FMO5: variants seen among roughly 807,000 people sequenced by gnomAD.
FMO5 encodes the protein flavin containing dimethylaniline monoxygenase 5.
Under a neutral mutation model 43.6 loss-of-function variants are expected in FMO5, and 51 were observed. That is an observed-to-expected ratio of 1.17 (90% CI 0.93 to 1.48). The LOEUF (loss-of-function observed/expected upper bound fraction) is 1.48, where lower values mean the gene tolerates loss of function less well. Among genes scored for constraint, FMO5 ranks in the 40% most tolerant of loss-of-function variants. The probability of loss-of-function intolerance (pLI) is 0.00; values close to 1 mark genes in which losing one functional copy is unlikely to be tolerated. For missense variants in FMO5, 644 were observed against 643.0 expected (o/e 1.00, Z -0.02); for synonymous variants, 187 against 216.5 (o/e 0.86, Z 1.20).
At chr1:147,204,589 G>A in intron 6 of FMO5, 1 of 1,591,798 alleles carries the variant, frequency 6.3e-7, no homozygotes, top group Non-Finnish European at 8.6e-7. Flanking sequence ...AAGTTCTTCA[G>A]CTAATTCCAG....
rs1553920958 is a variant in FMO5, at chr1:147,201,423, C to T, written c.912G>A (p.Val304=). 1.2e-6 allele frequency: 2 copies of T among 1,614,056 alleles called. No individual in the cohort carries two copies. Among genetic ancestry groups the T allele is most frequent in the African/African-American group, 2.7e-5 (2 of 74,926 alleles). Residue 304 remains valine (V), a synonymous_variant, in exon 7 of 9, where the codon GTG becomes GTA. Coordinates refer to ENST00000254090, the MANE Select transcript of FMO5 (RefSeq NM_001461.4). ...TGGCAGCTGTCTCCGTGAATTCCTT[C>T]ACATTTCCTTTCACTTTCACCAAGC... is the stretch of plus-strand genomic sequence containing the variant. ...ISGLVKVKGN[V]KEFTETAAIF...
chr1:147,209,955 A>C (rs1490153692), intron 5 of FMO5: 1 of 152,188 alleles, frequency 6.6e-6, no homozygotes, highest in Non-Finnish European at 1.5e-5. Context: ...CTGTCTCTTC[A>C]AATGTGTTTT....
upstream of FMO5, among the ~76,000 whole-genome samples, chr1:147,226,106 A>AT (rs1559686866): frequency 3.4e-3 from 17 of 4,952 alleles, no homozygotes; most frequent in Admixed American, 0.031. Context: ...AATTTATCTT[A>AT]CTTTTTTTTT....
chr1:147,213,774 C>T (rs1213369766), intron 3 of FMO5, among the ~76,000 whole-genome samples: 1 of 152,166 alleles, frequency 6.6e-6, no homozygotes, highest in Non-Finnish European at 1.5e-5. Context: ...AAAGCCTGGG[C>T]TTCTCCTGTG....
chr1:147,219,426 A>G (rs1553925791), intron 2 of FMO5, among the ~76,000 whole-genome samples: 6 of 152,230 alleles, frequency 3.9e-5, no homozygotes, highest in African/African-American at 1.2e-4. Context: ...TGTTGTTTGT[A>G]CAACACCCAT....
At chr1:147,193,531 T>C (rs1553919028) in intron 7 of FMO5, among the ~76,000 whole-genome samples, 1 of 152,168 alleles carries the variant, frequency 6.6e-6, no homozygotes, top group Non-Finnish European at 1.5e-5. Flanking sequence ...ATTTTAGTTA[T>C]TTCTTGCCTT....
At chr1:147,209,393 G>C (rs587669998) in intron 5 of FMO5, among the ~76,000 whole-genome samples, 17 of 132,454 alleles carry the variant, frequency 1.3e-4, no homozygotes, top group Admixed American at 1.1e-3. Flanking sequence ...AGCCAAGATC[G>C]CACCACTGCA....
intron 3 of FMO5, among the ~76,000 whole-genome samples, 188 bp from the exon 4 acceptor site, chr1:147,213,658 G>GA (rs1210699959): frequency 1.3e-5 from 2 of 152,094 alleles, no homozygotes; most frequent in African/African-American, 4.8e-5. Context: ...CCACAAGACA[G>GA]AAAAAAATAA....
At chr1:147,213,280 G>A (rs782658073) in intron 4 of FMO5, 28 bp downstream of exon 4, 1 of 1,583,386 alleles carries the variant, frequency 6.3e-7, no homozygotes, top group African/African-American at 1.3e-5. Flanking sequence ...CATGGGTCAA[G>A]GGTCTTCCTT....
At chr1:147,191,337 C>T (rs1656753975) in intron 7 of FMO5, among the ~76,000 whole-genome samples, 1 of 152,118 alleles carries the variant, frequency 6.6e-6, no homozygotes, top group Non-Finnish European at 1.5e-5. Flanking sequence ...ACATCCTCTC[C>T]AGCACCTGTT....
At chr1:147,208,324 TG>T in intron 6 of FMO5, 1 of 152,506 alleles carries the variant, frequency 6.6e-6, no homozygotes, top group African/African-American at 2.4e-5. Flanking sequence ...AAAGGGTTAC[TG>T]CCAAAGAGAA....
At chr1:147,190,274 A>G (rs1656452095) in intron 7 of FMO5, 25 bp from the exon 8 acceptor site, 2 of 1,395,304 alleles carry the variant, frequency 1.4e-6, no homozygotes, top group Admixed American at 3.5e-5. Flanking sequence ...TAACATTTTA[A>G]CTGTAAAATT....
chr1:147,200,472 T>G (rs1371191656), intron 7 of FMO5, among the ~76,000 whole-genome samples: 12 of 152,168 alleles, frequency 7.9e-5, no homozygotes. Flanking sequence ...AGGTGTGGTC[T>G]GGCCAGTTTA....
At chr1:147,205,215 A>T (rs1659771649) in intron 6 of FMO5, among the ~76,000 whole-genome samples, 1 of 152,236 alleles carries the variant, frequency 6.6e-6, no homozygotes. Flanking sequence ...AAAAACATGC[A>T]TGCTAAAATA....
chr1:147,199,226 G>C (rs1553920388), intron 7 of FMO5, among the ~76,000 whole-genome samples: 1 of 146,056 alleles, frequency 6.8e-6, no homozygotes, highest in Admixed American at 7.0e-5. Flanking sequence ...TTGTTGGGCA[G>C]ACATGAAAAA....
At chr1:147,190,115 A>G in intron 8 of FMO5, 62 bp downstream of exon 8, 1 of 1,147,436 alleles carries the variant, frequency 8.7e-7, no homozygotes, top group East Asian at 2.3e-5. Flanking sequence ...ACAGTACAAT[A>G]TTTCTTTTAT....
At chr1:147,218,528 G>A (rs946838677) in intron 2 of FMO5, among the ~76,000 whole-genome samples, 3 of 151,958 alleles carry the variant, frequency 2.0e-5, no homozygotes, top group Non-Finnish European at 2.9e-5. Flanking sequence ...GAGCCACCGC[G>A]CCCAGCCTCA....
intron 7 of FMO5, among the ~76,000 whole-genome samples, chr1:147,192,084 C>A (rs1656973873): frequency 6.6e-6 from 1 of 152,110 alleles, no homozygotes; most frequent in Non-Finnish European, 1.5e-5. Flanking sequence ...GGCATTTAAT[C>A]TATAAATTAC....
At chr1:147,223,453 T>C (rs1663420159) in intron 2 of FMO5, 1 of 152,260 alleles carries the variant, frequency 6.6e-6, no homozygotes, top group Non-Finnish European at 1.5e-5. Context: ...TTAGTTTTTA[T>C]GAAATATGAA....
Sources: allele counts gnomAD v4.1 joint callset (sites outside exome capture counted in the v4.1 genomes callset), GRCh38; gene constraint gnomAD v4.1.1; transcripts MANE v1.5; gene names NCBI Gene and HGNC (gene_info 2026-07-23, HGNC 2026-07-21).